TBC1D16: variants seen among roughly 807,000 people sequenced by gnomAD.
The protein encoded by TBC1D16 is CTD-2529O21.1.
In TBC1D16, 58 loss-of-function variants were observed where a neutral mutation model predicts 74.7. The observed-to-expected ratio is 0.78, with a 90% CI of 0.63 to 0.97. The LOEUF (loss-of-function observed/expected upper bound fraction) is 0.97. Ranked by LOEUF, TBC1D16 falls within the 50% of genes least tolerant of loss-of-function variation. The probability of loss-of-function intolerance (pLI) is 0.00; values close to 1 mark genes in which losing one functional copy is unlikely to be tolerated. For missense variants in TBC1D16, 1,014 were observed against 1,079.5 expected, an observed-to-expected ratio of 0.94 and a Z score of 0.85; for synonymous variants, 493 against 474.7, an observed-to-expected ratio of 1.04 and a Z score of -0.50.
rs2032330392 is a variant in TBC1D16 at position 79,944,464 on chromosome 17, G to A, written c.1908+444C>T. 6.6e-6 allele frequency among the ~76,000 whole-genome samples: 1 copy of A among 152,160 alleles called. No individual in the cohort carries two copies. The highest frequency in any genetic ancestry group is 1.5e-5 in the Non-Finnish European group (1 of 68,032). On this transcript the variant is annotated intron_variant, in intron 10 of 11. Transcript: ENST00000310924. This position sits in a 1 kb window ranked among gnomAD's most constrained non-coding sequence, Gnocchi z 7.7. ...ATCACTGATTGGGGCCCTCTGGAGG[G>A]GCCGACAGGGAAGTGGGATCTCAGG... is the stretch of plus-strand genomic sequence containing the variant.
At chr17:79,976,955 C>T (rs746348121) in intron 3 of TBC1D16, among the ~76,000 whole-genome samples, 11 of 152,178 alleles carry the variant, frequency 7.2e-5, no homozygotes, top group African/African-American at 1.4e-4. Context: ...ACAGGGAACA[C>T]GGGATGGGGC....
At chr17:80,005,337 C>T (rs754257634) in intron 3 of TBC1D16, among the ~76,000 whole-genome samples, 4 of 152,230 alleles carry the variant, frequency 2.6e-5, no homozygotes, top group Non-Finnish European at 4.4e-5. Flanking sequence ...TGCACATCCC[C>T]GGGGCAGGGT....
intron 2 of TBC1D16, among the ~76,000 whole-genome samples, chr17:80,011,207 A>ATTTTT (rs34838808): frequency 7.6e-6 from 1 of 131,630 alleles, no homozygotes; most frequent in East Asian, 2.3e-4. Flanking sequence ...CACCCAGCTA[A>ATTTTT]TTTTTTTTTT....
rs1485632567 is a variant in TBC1D16 at position 79,979,239 on chromosome 17, G to A, written c.780-26421C>T. Among the ~76,000 whole-genome samples, 1 of 152,092 alleles carries A rather than the reference G, an allele frequency of 6.6e-6. No homozygotes were observed. The highest frequency in any genetic ancestry group is 2.4e-5 in the African/African-American group (1 of 41,494). ...CTCCGGGGACGCACACCCACGCCTA[G>A]AGCACACACGCTCCGGGGATGCACA... On this transcript the variant is annotated intron_variant, in intron 3 of 11. Transcript: ENST00000310924. The surrounding 1 kb of genome is among the most constrained non-coding windows in gnomAD (Gnocchi z 4.8).
intron 3 of TBC1D16, among the ~76,000 whole-genome samples, chr17:80,003,880 T>A (rs933678320): frequency 2.0e-5 from 3 of 152,032 alleles, no homozygotes; most frequent in Non-Finnish European, 2.9e-5. Flanking sequence ...CAAGAGTCTG[T>A]CTCTAAAAAA....
rs2035425031 is a variant in TBC1D16 at position 80,000,016 on chromosome 17, A to G, written c.779+10144T>C. On this transcript the variant is annotated intron_variant, in intron 3 of 11. Transcript: ENST00000310924. The surrounding 1 kb of genome is among the most constrained non-coding windows in gnomAD (Gnocchi z 4.1). ...GAGGAGCAACTGACATGACAGAAAC[A>G]AGGAGTTTCTCAGGGCCCTGATTGT... Among the ~76,000 whole-genome samples the G allele has an allele frequency of 6.6e-6, 1 of 152,070 alleles. No individual in the cohort carries two copies. Among genetic ancestry groups the G allele is most frequent in the Non-Finnish European group, 1.5e-5 (1 of 67,998 alleles).
intron 1 of TBC1D16, among the ~76,000 whole-genome samples, chr17:80,031,563 C>T (rs1195924280): frequency 1.3e-5 from 2 of 152,178 alleles, no homozygotes; most frequent in Non-Finnish European, 2.9e-5. Context: ...CCTTTTGCAA[C>T]TGTCCAGCGG....
At position 79,933,935 on chromosome 17, in the gene TBC1D16, T is replaced by G. The variant is rs2031421650; in HGVS notation, c.*6924A>C. ...GGGCTGCAGACAGGATGCTCTCTCATAGAAGGACCCCAGAGAACTTCCCCT... is the reference window on the plus strand; with the variant it reads ...GGGCTGCAGACAGGATGCTCTCTCAGAGAAGGACCCCAGAGAACTTCCCCT... On this transcript the variant is annotated 3_prime_UTR_variant, in exon 12 of 12. Transcript: ENST00000310924. 6.6e-6 allele frequency: 1 copy of G among 152,248 alleles called. No homozygotes were observed. Among genetic ancestry groups the G allele is most frequent in the African/African-American group, 2.4e-5 (1 of 41,432 alleles). 9.4% of individuals were successfully genotyped at this position (152,248 alleles called of 1,614,324 possible).
chr17:79,996,779 C>G (rs1026883600), intron 3 of TBC1D16, among the ~76,000 whole-genome samples: 1 of 152,128 alleles, frequency 6.6e-6, no homozygotes, highest in Non-Finnish European at 1.5e-5. Context: ...ACATATGACT[C>G]GGCAAGTGCA....
intron 1 of TBC1D16, among the ~76,000 whole-genome samples, chr17:80,013,968 A>G (rs1206943567): frequency 6.6e-6 from 1 of 151,420 alleles, no homozygotes; most frequent in African/African-American, 2.4e-5. Context: ...TTTCACAAAA[A>G]CCTCCACAAA....
intron 1 of TBC1D16, among the ~76,000 whole-genome samples, chr17:80,016,640 TCAG>T (rs2036100421): frequency 6.6e-6 from 1 of 152,046 alleles, no homozygotes; most frequent in African/African-American, 2.4e-5. Flanking sequence ...CCCCACTGGC[TCAG>T]CAGAACTGGC....
chr17:80,001,329 G>A lies in TBC1D16; in HGVS notation c.779+8831C>T, dbSNP rs920805117. 2.6e-5 allele frequency among the ~76,000 whole-genome samples: 4 copies of A among 152,230 alleles called. No individual in the cohort carries two copies. Among genetic ancestry groups the A allele is most frequent in the African/African-American group, 7.2e-5 (3 of 41,466 alleles). On this transcript the variant is annotated intron_variant, in intron 3 of 11. Transcript: ENST00000310924. This position sits in a 1 kb window ranked among gnomAD's most constrained non-coding sequence, Gnocchi z 5.8. ...CTGCCAAGTGCTACAGAAACAAGAC[G>A]AGATTAGTCTGAACGACACACAGAA...
chr17:80,001,786 AC>A lies in TBC1D16; in HGVS notation c.779+8373del, dbSNP rs2035495385. 1.1e-5 allele frequency among the ~76,000 whole-genome samples: 1 copy of A among 94,800 alleles called. No homozygotes were observed. Among genetic ancestry groups the A allele is most frequent in the Non-Finnish European group, 2.2e-5 (1 of 45,140 alleles). 62.2% of individuals were successfully genotyped at this position (94,800 alleles called of 152,430 possible). A position where few individuals can be genotyped will look rare whatever the true frequency, so the allele number is the denominator to read the frequency against. On this transcript the variant is annotated intron_variant, in intron 3 of 11. Transcript: ENST00000310924. This position sits in a 1 kb window ranked among gnomAD's most constrained non-coding sequence, Gnocchi z 5.8. The stretch of plus-strand genomic sequence containing the variant: ...CACGCACGGCCCACCCTCCCCACTC[AC>A]CCCTTGCCCCCTTCCCTGCTGTCTC...
chr17:79,970,671 G>A (rs939365603), intron 3 of TBC1D16, among the ~76,000 whole-genome samples: 5 of 152,152 alleles, frequency 3.3e-5, no homozygotes, highest in Admixed American at 1.3e-4. Context: ...AAGGGAATGA[G>A]CACAGGGTGG....
At chr17:79,970,120 C>T (rs565708003) in intron 3 of TBC1D16, among the ~76,000 whole-genome samples, 14 of 152,196 alleles carry the variant, frequency 9.2e-5, no homozygotes, top group East Asian at 1.9e-4. Context: ...AATGAAGTAC[C>T]GGCCTGTTAC....
chr17:79,951,108 A>G (rs946363836), intron 5 of TBC1D16, among the ~76,000 whole-genome samples: 2 of 152,230 alleles, frequency 1.3e-5, no homozygotes, highest in African/African-American at 4.8e-5. Context: ...GCGGGAAGGA[A>G]GGGAATTTTA....
rs753349595 is a variant in TBC1D16 at position 79,950,505 on chromosome 17, G to C, written c.1163C>G (p.Pro388Arg). Residue 388 changes from proline to arginine, a missense_variant, in exon 6 of 12, where the codon CCC becomes CGC. By Grantham distance (103) the Pro-to-Arg change is moderately radical (BLOSUM62 -2). Coordinates refer to ENST00000310924, the MANE Select transcript of TBC1D16 (RefSeq NM_019020.4). This position sits in a 1 kb window ranked among gnomAD's most constrained non-coding sequence, Gnocchi z 4.6. ...RPKLPSSETH[P>R]EESMYKRLGV... ...GAGCCTCTTGTACATGCTCTCCTCG[G>C]GGTGCGTCTCGGAGGACGGCAGCTT... 1 of 1,613,508 alleles carries C rather than the reference G, an allele frequency of 6.2e-7. No individual in the cohort carries two copies. Among genetic ancestry groups the C allele is most frequent in the Non-Finnish European group, 8.5e-7 (1 of 1,179,940 alleles).
At position 79,944,842 on chromosome 17, in the gene TBC1D16, G is replaced by A; in HGVS notation, c.1908+66C>T. ...GCGAGGCGGACAGGGGCAGCAGGCA[G>A]GGTGGCCACGGTGGTTCAGGGGCCA... On this transcript the variant is annotated intron_variant, in intron 10 of 11. Coordinates refer to ENST00000310924, the MANE Select transcript of TBC1D16 (RefSeq NM_019020.4). This position sits in a 1 kb window ranked among gnomAD's most constrained non-coding sequence, Gnocchi z 7.7. 2 of 1,397,630 alleles carry A rather than the reference G, an allele frequency of 1.4e-6. No homozygotes were observed. The highest frequency in any genetic ancestry group is 1.9e-6 in the Non-Finnish European group (2 of 1,044,246). The allele number at this position is 1,397,630 out of a possible 1,614,324, so 86.6% of individuals were successfully genotyped here. A position where few individuals can be genotyped will look rare whatever the true frequency, so the allele number is the denominator to read the frequency against.
intron 3 of TBC1D16, among the ~76,000 whole-genome samples, chr17:79,974,369 G>C (rs1300744128): frequency 6.6e-6 from 1 of 152,096 alleles, no homozygotes; most frequent in African/African-American, 2.4e-5. Context: ...CTCCCAAGTA[G>C]CTGGGATTAC....
Sources: gnomAD v4.1 joint callset for allele counts (sites outside exome capture counted in the v4.1 genomes callset) on GRCh38, gnomAD v4.1.1 for gene constraint, Gnocchi (gnomAD v3.1) non-coding constraint, MANE v1.5 for transcripts, NCBI Gene and HGNC (gene_info 2026-07-23, HGNC 2026-07-21) for gene names.